ZRSR2: variants seen among roughly 807,000 people sequenced by gnomAD.
The protein encoded by ZRSR2 is zinc finger CCCH-type, RNA binding motif and serine/arginine rich 2, also known as U2 small nuclear ribonucleoprotein auxiliary factor 35 kDa subunit-related protein 2.
In ZRSR2, 3 loss-of-function variants were observed where a neutral mutation model predicts 39.4. The observed-to-expected ratio is 0.08, with a 90% CI of 0.03 to 0.20. ZRSR2 has a LOEUF of 0.20. Ranked by LOEUF, ZRSR2 falls within the 10% of genes least tolerant of loss-of-function variation. ZRSR2 has a pLI of 1.00. For synonymous variants in ZRSR2, 137 were observed against 136.0 expected, an observed-to-expected ratio of 1.01 and a Z score of -0.05; for missense variants, 256 against 391.5, an observed-to-expected ratio of 0.65 and a Z score of 2.92.
At chrX:15,795,078 C>T (rs1285237110) in intron 2 of ZRSR2, among the ~76,000 whole-genome samples, 1 of 55,961 alleles carries the variant, frequency 1.8e-5, no homozygotes. Context: ...CCCCGACCCC[C>T]CTGCACTTTT....
At chrX:15,803,993 A>G (rs918790099) in intron 4 of ZRSR2, 118 bp from the exon 5 acceptor site, 1 of 1,012,226 alleles carries the variant, frequency 9.9e-7, no homozygotes, top group African/African-American at 2.0e-5. Flanking sequence ...AAAAAAAAAA[A>G]CAAAAAACTG....
intron 10 of ZRSR2, among the ~76,000 whole-genome samples, chrX:15,821,564 C>A (rs1016987826): frequency 1.4e-4 from 16 of 110,522 alleles, no homozygotes; most frequent in African/African-American, 5.3e-4. Context: ...TTTGTAGGTT[C>A]TTTTCACTTC....
chrX:15,806,393 A>G (rs73202844), intron 5 of ZRSR2, among the ~76,000 whole-genome samples: 7,511 of 111,143 alleles, frequency 0.068, 264 homozygotes, highest in Non-Finnish European at 0.1. Context: ...ACTCTGTCTC[A>G]TTTATATCTG....
rs763869818 is a variant in ZRSR2, at chrX:15,819,996, G to A, written c.828-211G>A. Among the ~76,000 whole-genome samples, 6 of 112,205 alleles carry A rather than the reference G, an allele frequency of 5.3e-5. No homozygotes were observed. The South Asian group carries it at 2.2e-3, about 41-fold the overall frequency. On this transcript the variant is annotated intron_variant, in intron 9 of 10. Transcript: ENST00000307771. ...CGGTTTCATTCAAGCCAATTTCCATGCATTGAAACCTCTCCGAGGGTTAGT... is the reference window on the plus strand; with the variant it reads ...CGGTTTCATTCAAGCCAATTTCCATACATTGAAACCTCTCCGAGGGTTAGT...
intron 3 of ZRSR2, among the ~76,000 whole-genome samples, chrX:15,802,705 C>T (rs1183862922): frequency 9.0e-6 from 1 of 110,684 alleles, no homozygotes; most frequent in Non-Finnish European, 1.9e-5. Context: ...GTGATCCGCC[C>T]GCCTCAGCCT....
intron 8 of ZRSR2, among the ~76,000 whole-genome samples, chrX:15,816,181 A>G (rs1289134123): frequency 2.7e-5 from 3 of 112,100 alleles, no homozygotes; most frequent in Non-Finnish European, 5.6e-5. Flanking sequence ...CAGCACATGA[A>G]TTCTCTGTAT....
rs1932845211 is a variant in ZRSR2 at position 15,809,316 on chromosome X, T to C, written c.555T>C (p.Asp185=). The C allele has an allele frequency of 5.1e-6, 6 of 1,171,301 alleles. No individual in the cohort carries two copies. The East Asian group carries it at 1.5e-4, about 29-fold the overall frequency. Residue 185 remains aspartate (D), a splice_region_variant and synonymous_variant, in exon 7 of 11, where the codon GAT becomes GAC. Transcript: ENST00000307771. ...AAACAGGAGCTTGCAGATTTGGAGA[T>C]AGGTAACTAATTTTGTTTTATCATG... ...YSKTGACRFG[D]RCSRKHNFPT...
rs767434363 is a variant in ZRSR2, at chrX:15,807,252, T to C, written c.400-981T>C. On this transcript the variant is annotated intron_variant, in intron 5 of 10. Transcript: ENST00000307771. ...TTTAGCTTCTGCTAAATGTTTATGA[T>C]TTCATCTAGCATTGTTTTTTGGGTT... Among the ~76,000 whole-genome samples, 4 of 112,141 alleles carry C rather than the reference T, an allele frequency of 3.6e-5. No individual in the cohort carries two copies. The South Asian group carries it at 1.5e-3, about 41-fold the overall frequency.
intron 5 of ZRSR2, among the ~76,000 whole-genome samples, chrX:15,806,175 G>A (rs200794606): frequency 3.5e-4 from 36 of 103,812 alleles, no homozygotes; most frequent in African/African-American, 1.3e-3. Flanking sequence ...CTGAGGGAGA[G>A]GGGGCAGTGG....
At chrX:15,797,614 T>A (rs914380147) in intron 2 of ZRSR2, among the ~76,000 whole-genome samples, 2 of 111,989 alleles carry the variant, frequency 1.8e-5, no homozygotes, top group Non-Finnish European at 3.8e-5. Context: ...TTTTCTTAAT[T>A]TTTTTCAGTG....
chrX:15,815,274 CA>C (rs1430253998), intron 7 of ZRSR2, among the ~76,000 whole-genome samples: 1 of 112,555 alleles, frequency 8.9e-6, no homozygotes, highest in Non-Finnish European at 1.9e-5. Context: ...GTTTCTATCT[CA>C]AAATTTAAAG....
chrX:15,820,348 A>G (rs762688967), intron 10 of ZRSR2, 32 bp downstream of exon 10: 8 of 1,122,515 alleles, frequency 7.1e-6, no homozygotes, highest in African/African-American at 1.8e-5. Flanking sequence ...TTTTTCCTCA[A>G]TTGTTCCACT....
intron 9 of ZRSR2, among the ~76,000 whole-genome samples, chrX:15,819,695 CTAA>C (rs1239811906): frequency 9.0e-6 from 1 of 111,535 alleles, no homozygotes; most frequent in Non-Finnish European, 1.9e-5. Context: ...AAAATACAAA[CTAA>C]TAAGGGATAA....
chrX:15,820,902 C>G (rs909930591), intron 10 of ZRSR2, among the ~76,000 whole-genome samples: 2 of 111,584 alleles, frequency 1.8e-5, no homozygotes, highest in African/African-American at 6.5e-5. Context: ...AGGAAATGAT[C>G]CAGTCTTGTG....
At chrX:15,811,439 T>G (rs1307374521) in intron 7 of ZRSR2, among the ~76,000 whole-genome samples, 1 of 108,102 alleles carries the variant, frequency 9.3e-6, no homozygotes, top group Non-Finnish European at 1.9e-5. Flanking sequence ...CCCCCTTTTT[T>G]TTTTGAGACG....
rs1933026073 is a variant in ZRSR2, at chrX:15,818,525, T to TGATG, written c.772-62_772-61insGATG. ...GAATGTTAGCCTGGACAAACAACAT[T>TGATG]TGATGAATGGCTGGTTTCTTTTCCT... On this transcript the variant is annotated intron_variant, in intron 8 of 10. Coordinates refer to ENST00000307771, the MANE Select transcript of ZRSR2 (RefSeq NM_005089.4). 12 of 1,029,358 alleles carry TGATG rather than the reference T, an allele frequency of 1.2e-5. No homozygotes were observed. In the Middle Eastern group the frequency reaches 7.6e-4, roughly 65 times the overall value. The allele number at this position is 1,029,358 out of a possible 1,213,427, so 84.8% of individuals were successfully genotyped here. A position where few individuals can be genotyped will look rare whatever the true frequency, so the allele number is the denominator to read the frequency against.
At chrX:15,818,440 T>C (rs1933023594) in intron 8 of ZRSR2, 147 bp from the exon 9 acceptor site, 2 of 501,589 alleles carry the variant, frequency 4.0e-6, no homozygotes, top group Admixed American at 3.7e-5. Flanking sequence ...ACGCCTTAAA[T>C]AGATGCAAGA....
chrX:15,794,388 AC>A (rs1447610672), intron 2 of ZRSR2, among the ~76,000 whole-genome samples: 1 of 110,519 alleles, frequency 9.0e-6, no homozygotes, highest in Non-Finnish European at 1.9e-5. Flanking sequence ...CCCAAAACTT[AC>A]TATTAAGTGC....
At chrX:15,792,532 C>A (rs949483824) in intron 2 of ZRSR2, among the ~76,000 whole-genome samples, 1 of 112,419 alleles carries the variant, frequency 8.9e-6, no homozygotes, top group African/African-American at 3.2e-5. Flanking sequence ...TGATGTGAAA[C>A]TAATGCTCCT....
Sources: allele counts gnomAD v4.1 joint callset (sites outside exome capture counted in the v4.1 genomes callset), GRCh38; gene constraint gnomAD v4.1.1; transcripts MANE v1.5; gene names NCBI Gene and HGNC (gene_info 2026-07-23, HGNC 2026-07-21).